Variants in ZFYVE9 observed in about 807,000 individuals in gnomAD.
ZFYVE9 encodes zinc finger FYVE-type containing 9, also known as zinc finger FYVE domain-containing protein 9.
In ZFYVE9, 43 loss-of-function variants were observed where a neutral mutation model predicts 126.7. The observed-to-expected ratio is 0.34, with a 90% CI of 0.27 to 0.44. The LOEUF is 0.44. Among genes scored for constraint, ZFYVE9 ranks in the 20% least tolerant of loss-of-function variants. The probability of loss-of-function intolerance (pLI) is 1.00; values close to 1 mark genes in which losing one functional copy is unlikely to be tolerated. For synonymous variants in ZFYVE9, 521 were observed against 597.4 expected, an observed-to-expected ratio of 0.87 and a Z score of 1.87; for missense variants, 1,476 against 1,697.0, an observed-to-expected ratio of 0.87 and a Z score of 2.29.
intron 13 of ZFYVE9, among the ~76,000 whole-genome samples, chr1:52,322,694 GTCATA>G (rs1646252662): frequency 1.3e-5 from 2 of 151,198 alleles, no homozygotes; most frequent in Admixed American, 1.3e-4. Flanking sequence ...TCAAAACTAA[GTCATA>G]TCATATCACT....
At chr1:52,255,960 T>TCC (rs1356981988) in intron 4 of ZFYVE9, among the ~76,000 whole-genome samples, 8 of 88,240 alleles carry the variant, frequency 9.1e-5, no homozygotes, top group Admixed American at 4.4e-4. Context: ...TTTCTTTTCT[T>TCC]TTCTTTTCTT....
At chr1:52,330,840 A>G (rs571348277) in intron 13 of ZFYVE9, among the ~76,000 whole-genome samples, 1 of 152,208 alleles carries the variant, frequency 6.6e-6, no homozygotes, top group Non-Finnish European at 1.5e-5. Flanking sequence ...GATGGAGTCA[A>G]ACAACTCTGA....
chr1:52,328,593 A>T (rs1486770615), intron 13 of ZFYVE9, among the ~76,000 whole-genome samples: 1 of 152,254 alleles, frequency 6.6e-6, no homozygotes, highest in African/African-American at 2.4e-5. Context: ...GAATGTCTGG[A>T]TTGAAAATGT....
At chr1:52,329,257 T>TG (rs1646318412) in intron 13 of ZFYVE9, among the ~76,000 whole-genome samples, 1 of 152,154 alleles carries the variant, frequency 6.6e-6, no homozygotes, top group Non-Finnish European at 1.5e-5. Context: ...TGGATGTTCT[T>TG]GAAAAAAGAA....
At chr1:52,200,809 A>C (rs1644916511) in intron 1 of ZFYVE9, among the ~76,000 whole-genome samples, 1 of 152,068 alleles carries the variant, frequency 6.6e-6, no homozygotes, top group Non-Finnish European at 1.5e-5. Flanking sequence ...TCAGCTGACT[A>C]TATTTGTGTG....
At chr1:52,320,772 G>C (rs938231292) in intron 13 of ZFYVE9, among the ~76,000 whole-genome samples, 1 of 152,166 alleles carries the variant, frequency 6.6e-6, no homozygotes, top group Non-Finnish European at 1.5e-5. Flanking sequence ...ATTTTGGGGG[G>C]TGATTGCAAG....
intron 7 of ZFYVE9, 80 bp downstream of exon 7, chr1:52,268,712 T>C: frequency 6.7e-7 from 1 of 1,500,454 alleles, no homozygotes; most frequent in Non-Finnish European, 9.0e-7. Flanking sequence ...TACTTTTGTG[T>C]GGAACTCTGT....
Position 52,318,539 on chromosome 1 carries a change from C to T in ZFYVE9, c.3439-14229C>T, listed in dbSNP as rs1224212133. On this transcript the variant is annotated intron_variant, in intron 13 of 18. Coordinates refer to ENST00000287727, the MANE Select transcript of ZFYVE9 (RefSeq NM_004799.4). Reference sequence around the variant, plus strand: ...AGATTGGAAACAAGAACGGGATGTTCACTCCTGTTTTTATTGAGCATTGTA... The same window carrying T: ...AGATTGGAAACAAGAACGGGATGTTTACTCCTGTTTTTATTGAGCATTGTA... Among the ~76,000 whole-genome samples the T allele has an allele frequency of 3.3e-5, 5 of 151,986 alleles. No individual in the cohort carries two copies. The East Asian group carries it at 5.8e-4, about 18-fold the overall frequency.
At chr1:52,166,974 C>A (rs1644520017) in intron 1 of ZFYVE9, among the ~76,000 whole-genome samples, 1 of 152,104 alleles carries the variant, frequency 6.6e-6, no homozygotes, top group South Asian at 2.1e-4. Flanking sequence ...ATCAATTGAT[C>A]TTTATAAAAA....
intron 1 of ZFYVE9, among the ~76,000 whole-genome samples, chr1:52,177,112 G>A (rs1644640355): frequency 6.6e-6 from 1 of 151,708 alleles, no homozygotes; most frequent in South Asian, 2.1e-4. Context: ...GTAGACCGGA[G>A]CTGTTCCTAT....
At position 52,305,467 on chromosome 1, in the gene ZFYVE9, G is replaced by A. The variant is rs554825919; in HGVS notation, c.3438+1542G>A. 6.0e-4 allele frequency among the ~76,000 whole-genome samples: 92 copies of A among 152,248 alleles called. 1 individual carries two copies. In the South Asian group the frequency reaches 0.016, roughly 27 times the overall value. On this transcript the variant is annotated intron_variant, in intron 13 of 18. Transcript: ENST00000287727. ...AAACAAAAACCTTATGCCTGCTTTC[G>A]GAGCGTTTGCTGTCCAGGAAAATGA...
intron 13 of ZFYVE9, 31 bp downstream of exon 13, chr1:52,303,956 T>C (rs1646058822): frequency 6.7e-7 from 1 of 1,500,498 alleles, no homozygotes; most frequent in South Asian, 1.3e-5. Context: ...GTATTTTTCA[T>C]AGTTGAAAAC....
At chr1:52,194,002 G>T (rs906277633) in intron 1 of ZFYVE9, among the ~76,000 whole-genome samples, 2 of 151,894 alleles carry the variant, frequency 1.3e-5, no homozygotes, top group African/African-American at 2.4e-5. Flanking sequence ...CCAGCTTCTC[G>T]GGCGGCTGAG....
intron 1 of ZFYVE9, among the ~76,000 whole-genome samples, chr1:52,184,006 T>C (rs1557443921): frequency 6.6e-6 from 1 of 151,288 alleles, no homozygotes. Flanking sequence ...GCTTTTCTTT[T>C]TATAAAAATA....
rs185595880 is a variant in ZFYVE9, at chr1:52,309,034, A to G, written c.3438+5109A>G. On this transcript the variant is annotated intron_variant, in intron 13 of 18. Transcript: ENST00000287727. ...GAAAGTAGATCTCTAGAGGATGAAT[A>G]GAATAGACACCAATGTTTCTTAATT... Among the ~76,000 whole-genome samples the G allele has an allele frequency of 3.4e-4, 52 of 152,388 alleles. No individual in the cohort carries two copies. In the East Asian group the frequency reaches 6.9e-3, roughly 20 times the overall value.
At chr1:52,314,912 C>A (rs1389464066) in intron 13 of ZFYVE9, among the ~76,000 whole-genome samples, 1 of 151,884 alleles carries the variant, frequency 6.6e-6, no homozygotes, top group Non-Finnish European at 1.5e-5. Flanking sequence ...GAAATCTGGG[C>A]GGCAGAGGTT....
chr1:52,175,089 C>T (rs1208264923), intron 1 of ZFYVE9, among the ~76,000 whole-genome samples: 2 of 152,114 alleles, frequency 1.3e-5, no homozygotes, highest in Non-Finnish European at 2.9e-5. Flanking sequence ...GATGCAGTTT[C>T]TTCCTAGTCT....
intron 1 of ZFYVE9, among the ~76,000 whole-genome samples, chr1:52,194,353 T>C (rs1258593200): frequency 1.3e-5 from 2 of 152,100 alleles, no homozygotes; most frequent in Admixed American, 1.3e-4. Context: ...TGAATTTGAC[T>C]ACATAAAATG....
At chr1:52,344,607 CAA>C (rs1230608879) in intron 17 of ZFYVE9, among the ~76,000 whole-genome samples, 159 bp from the exon 18 acceptor site, 1 of 151,942 alleles carries the variant, frequency 6.6e-6, no homozygotes, top group Non-Finnish European at 1.5e-5. Flanking sequence ...AGGTGGAAGA[CAA>C]ATGCCCAACT....
Sources: allele counts gnomAD v4.1 joint callset (sites outside exome capture counted in the v4.1 genomes callset), GRCh38; gene constraint gnomAD v4.1.1; transcripts MANE v1.5; gene names NCBI Gene and HGNC (gene_info 2026-07-23, HGNC 2026-07-21).